TFEB: variants seen among roughly 807,000 people sequenced by gnomAD.
The protein encoded by TFEB is T-cell transcription factor EB.
In TFEB, 12 loss-of-function variants were observed where a neutral mutation model predicts 48.0. That is an observed-to-expected ratio of 0.25 (90% CI 0.16 to 0.40). TFEB has a LOEUF of 0.40. Ranked by LOEUF, TFEB falls within the 10% of genes least tolerant of loss-of-function variation. The pLI is 1.00. For missense variants in TFEB, 509 were observed against 640.3 expected (o/e 0.79, Z 2.21); for synonymous variants, 244 against 261.4 (o/e 0.93, Z 0.64).
intron 1 of TFEB, among the ~76,000 whole-genome samples, chr6:41,719,211 C>T (rs1434368223): frequency 1.3e-5 from 2 of 152,170 alleles, no homozygotes; most frequent in African/African-American, 4.8e-5. Flanking sequence ...TCTCCCATCA[C>T]CCCCAGATGG....
intron 4 of TFEB, among the ~76,000 whole-genome samples, chr6:41,688,878 G>A (rs1198869819): frequency 6.6e-6 from 1 of 152,180 alleles, no homozygotes; most frequent in African/African-American, 2.4e-5. Context: ...GGTGGCATGG[G>A]CTGGGGCCAG....
rs1769339722 is a variant in TFEB at position 41,691,915 on chromosome 6, A to G, written c.-22-680T>C. Among the ~76,000 whole-genome samples, 1 of 151,934 alleles carries G rather than the reference A, an allele frequency of 6.6e-6. No homozygotes were observed. The highest frequency in any genetic ancestry group is 2.1e-4 in the South Asian group (1 of 4,814). ...GGCTACATCCTCCAGGCACTTTGAA[A>G]TCCCCGAAACATCCCAGGCATGCCC... On this transcript the variant is annotated intron_variant, in intron 1 of 8. Coordinates refer to ENST00000373033, the MANE Select transcript of TFEB (RefSeq NM_001271944.2). The surrounding 1 kb of genome is among the most constrained non-coding windows in gnomAD (Gnocchi z 5.2).
intron 1 of TFEB, among the ~76,000 whole-genome samples, chr6:41,710,228 G>A (rs960722637): frequency 6.6e-6 from 1 of 152,228 alleles, no homozygotes. Context: ...GATGTATAGA[G>A]TTACATCAGA....
At chr6:41,714,702 G>A (rs550809113) in intron 1 of TFEB, among the ~76,000 whole-genome samples, 3 of 152,280 alleles carry the variant, frequency 2.0e-5, no homozygotes, top group Admixed American at 6.5e-5. Flanking sequence ...CCGAGGGTGC[G>A]GGGAGACTGG....
chr6:41,703,743 A>ATGCACACTGAGTGCGTACTC (rs1770057959), intron 1 of TFEB, among the ~76,000 whole-genome samples: 1 of 152,234 alleles, frequency 6.6e-6, no homozygotes, highest in South Asian at 2.1e-4. Flanking sequence ...CATTAGTACT[A>ATGCACACTGAGTGCGTACTC]TGCACACTGA....
rs1771422221 is a variant in TFEB, at chr6:41,730,872, A to G, written c.-23+4478T>C. On this transcript the variant is annotated intron_variant, in intron 1 of 8. Transcript: ENST00000373033. The surrounding 1 kb of genome is among the most constrained non-coding windows in gnomAD (Gnocchi z 4.1). ...AAGTGGCAGGGCAGGGGTGGTAGAG[A>G]TGCCTCAGGCATTGCCAAGCCCCCT... Among the ~76,000 whole-genome samples the G allele has an allele frequency of 6.6e-6, 1 of 152,138 alleles. No individual in the cohort carries two copies. Among genetic ancestry groups the G allele is most frequent in the Admixed American group, 6.5e-5 (1 of 15,278 alleles).
chr6:41,708,957 G>T (rs541573107), intron 1 of TFEB, among the ~76,000 whole-genome samples: 8 of 152,292 alleles, frequency 5.3e-5, no homozygotes, highest in African/African-American at 1.9e-4. Context: ...GTAGAGAGAA[G>T]AAAACAGGAC....
intron 1 of TFEB, among the ~76,000 whole-genome samples, chr6:41,714,140 C>CGTGTGTGCATGTGCAT (rs1561866663): frequency 2.1e-5 from 3 of 144,676 alleles, no homozygotes; most frequent in African/African-American, 8.5e-5. Flanking sequence ...TGCATGTGTG[C>CGTGTGTGCATGTGCAT]GTGTGTGTGC....
Position 41,690,824 on chromosome 6 carries a change from T to C in TFEB, c.307A>G (p.Lys103Glu). The C allele has an allele frequency of 6.2e-7, 1 of 1,613,350 alleles. No individual in the cohort carries two copies. The highest frequency in any genetic ancestry group is 8.5e-7 in the Non-Finnish European group (1 of 1,179,634). The change falls in exon 3 of 9, where the codon AAG (lysine) becomes GAG (glutamate). Residue 103 changes from lysine to glutamate, a missense_variant. Physicochemically the swap from Lys to Glu is moderately conservative, Grantham distance 56. Coordinates refer to ENST00000373033, the MANE Select transcript of TFEB (RefSeq NM_001271944.2). ...GCTGGGCTGATGTGGGCAGCAAACT[T>C]GTTCCCATAGGTCTCGGACAGGTAC... The part of the protein sequence containing the change: ...REYLSETYGN[K>E]FAAHISPAQG...
intron 1 of TFEB, among the ~76,000 whole-genome samples, chr6:41,693,836 G>A (rs1769432466): frequency 6.6e-6 from 1 of 151,946 alleles, no homozygotes; most frequent in South Asian, 2.1e-4. Flanking sequence ...CCATGCCTTT[G>A]CCCACCCCCT....
intron 1 of TFEB, among the ~76,000 whole-genome samples, chr6:41,713,770 T>C (rs1472301403): frequency 6.6e-6 from 1 of 152,200 alleles, no homozygotes; most frequent in Admixed American, 6.5e-5. Flanking sequence ...TAACTGGCCC[T>C]GCTCCCTGGC....
intron 3 of TFEB, among the ~76,000 whole-genome samples, 159 bp downstream of exon 3, chr6:41,690,504 C>T (rs1271838953): frequency 6.6e-6 from 1 of 152,184 alleles, no homozygotes; most frequent in African/African-American, 2.4e-5. Flanking sequence ...GTGTCTTCCC[C>T]CCTGAGATTG....
chr6:41,689,822 G>A lies in TFEB; in HGVS notation c.469-11C>T, dbSNP rs1410843073. On this transcript the variant is annotated splice_polypyrimidine_tract_variant and intron_variant, in intron 3 of 8. Transcript: ENST00000373033. ...AATGACATCATCCAACTGGAAAAGA[G>A]AAAAGTCCATCTGGGGAGGGCCCAC... The A allele has an allele frequency of 1.2e-6, 2 of 1,613,000 alleles. No individual in the cohort carries two copies. Among genetic ancestry groups the A allele is most frequent in the Non-Finnish European group, 1.7e-6 (2 of 1,179,226 alleles).
chr6:41,699,840 G>C (rs150344708), intron 1 of TFEB, among the ~76,000 whole-genome samples: 244 of 152,314 alleles, frequency 1.6e-3, no homozygotes, highest in African/African-American at 5.2e-3. Flanking sequence ...CAGTTTTAAT[G>C]CCATGTTTTG....
Position 41,685,038 on chromosome 6 carries a change from G to A in TFEB, c.992C>T (p.Thr331Ile), listed in dbSNP as rs1327037506. The A allele has an allele frequency of 6.7e-7, 1 of 1,484,004 alleles. No homozygotes were observed. The highest frequency in any genetic ancestry group is 8.9e-7 in the Non-Finnish European group (1 of 1,117,616). 91.9% of individuals were successfully genotyped at this position (1,484,004 alleles called of 1,614,324 possible). ...AGCCATGTTCATGCCGGACGGGGAG[G>A]TGGTAGGGAGGCCGTGCACTCGAGC... is the stretch of plus-strand genomic sequence containing the variant. ...MQARVHGLPT[T>I]SPSGMNMAEL... Residue 331 changes from threonine to isoleucine, a missense_variant, in exon 9 of 9, where the codon ACC becomes ATC. This residue lies in a region of TFEB where 62 missense variants were observed against 90.2 expected (regional missense o/e 0.69). Coordinates refer to ENST00000373033, the MANE Select transcript of TFEB (RefSeq NM_001271944.2).
chr6:41,703,156 A>G (rs910960588), intron 1 of TFEB, among the ~76,000 whole-genome samples: 15 of 152,238 alleles, frequency 9.9e-5, no homozygotes, highest in African/African-American at 3.6e-4. Flanking sequence ...ACACTCCAGC[A>G]TCTTCTGCTA....
chr6:41,714,320 C>T (rs982586194), intron 1 of TFEB, among the ~76,000 whole-genome samples: 4 of 152,218 alleles, frequency 2.6e-5, no homozygotes, highest in Admixed American at 1.3e-4. Flanking sequence ...AAAGGGCCTT[C>T]GGAACCTGAG....
At chr6:41,704,672 A>C (rs1770112095) in intron 1 of TFEB, among the ~76,000 whole-genome samples, 1 of 152,208 alleles carries the variant, frequency 6.6e-6, no homozygotes, top group Non-Finnish European at 1.5e-5. Context: ...CATTAAAGAC[A>C]CTTTACTTGT....
intron 1 of TFEB, among the ~76,000 whole-genome samples, chr6:41,727,764 T>G (rs1266135169): frequency 6.6e-6 from 1 of 152,148 alleles, no homozygotes; most frequent in Admixed American, 6.5e-5. Context: ...GGCCCAAGCA[T>G]GGAGGCTCAG....
Sources: gnomAD v4.1 joint callset for allele counts (sites outside exome capture counted in the v4.1 genomes callset) on GRCh38, gnomAD v4.1.1 for gene constraint, gnomAD v4.1.1 regional missense constraint, Gnocchi (gnomAD v3.1) non-coding constraint, MANE v1.5 for transcripts, NCBI Gene and HGNC (gene_info 2026-07-23, HGNC 2026-07-21) for gene names.